Variants in TBC1D22A observed in about 807,000 individuals in gnomAD.
TBC1D22A encodes TBC1 domain family member 22A.
In TBC1D22A, 38 loss-of-function variants were observed where a neutral mutation model predicts 60.2. The ratio of observed to expected loss-of-function variants is 0.63; its 90% CI spans 0.49 to 0.83. The LOEUF (loss-of-function observed/expected upper bound fraction) is 0.83, where lower values mean the gene tolerates loss of function less well. Ranked by LOEUF, TBC1D22A falls within the 40% of genes least tolerant of loss-of-function variation. The pLI is 0.00. For synonymous variants in TBC1D22A, 302 were observed against 281.7 expected (o/e 1.07, Z -0.72); for missense variants, 628 against 701.0 (o/e 0.90, Z 1.18).
chr22:47,101,843 G>A (rs991209073), intron 11 of TBC1D22A, among the ~76,000 whole-genome samples: 8 of 152,272 alleles, frequency 5.3e-5, no homozygotes, highest in South Asian at 2.1e-4. Context: ...CCACTACATC[G>A]TACCCATTGC....
intron 12 of TBC1D22A, 110 bp from the exon 13 acceptor site, chr22:47,173,387 TG>T (rs1329948506): frequency 3.1e-5 from 44 of 1,434,650 alleles, no homozygotes; most frequent in Non-Finnish European, 3.9e-5. Flanking sequence ...CCCTGCACCG[TG>T]GGTCACCTCC....
intron 4 of TBC1D22A, among the ~76,000 whole-genome samples, chr22:46,832,290 T>C (rs1432222916): frequency 6.6e-6 from 1 of 152,244 alleles, no homozygotes; most frequent in East Asian, 1.9e-4. Context: ...AGAAATCTTG[T>C]TATGCCCTTC....
At chr22:47,117,564 G>A (rs1461829296) in intron 12 of TBC1D22A, among the ~76,000 whole-genome samples, 7 of 149,684 alleles carry the variant, frequency 4.7e-5, no homozygotes, top group Non-Finnish European at 7.4e-5. Flanking sequence ...ACCCCACACC[G>A]TGGCATCGAG....
At chr22:46,785,343 A>G (rs2146832631) in intron 1 of TBC1D22A, among the ~76,000 whole-genome samples, 1 of 152,312 alleles carries the variant, frequency 6.6e-6, no homozygotes, top group South Asian at 2.1e-4. Flanking sequence ...TGGCATCTTC[A>G]GAGAATGGGT....
chr22:47,127,313 C>T (rs549050776), intron 12 of TBC1D22A, among the ~76,000 whole-genome samples: 6 of 150,702 alleles, frequency 4.0e-5, no homozygotes, highest in Admixed American at 2.6e-4. Flanking sequence ...CTGCAACCTC[C>T]GCCTCCCGGG....
At chr22:47,089,559 TG>T (rs2064836066) in intron 11 of TBC1D22A, among the ~76,000 whole-genome samples, 1 of 152,224 alleles carries the variant, frequency 6.6e-6, no homozygotes, top group South Asian at 2.1e-4. Context: ...AAGCCTGGCC[TG>T]GGTGAGCTCG....
chr22:46,765,697 C>A (rs1352060517), intron 1 of TBC1D22A, among the ~76,000 whole-genome samples: 2 of 151,872 alleles, frequency 1.3e-5, no homozygotes, highest in Non-Finnish European at 2.9e-5. Flanking sequence ...GAACTCCTGA[C>A]CTCAGGTGAT....
At chr22:46,847,914 AGTGGGT>A (rs373665005) in intron 4 of TBC1D22A, among the ~76,000 whole-genome samples, 14 of 126,570 alleles carry the variant, frequency 1.1e-4, no homozygotes, top group African/African-American at 5.1e-4. Flanking sequence ...AAGGTACCCT[AGTGGGT>A]GTGTGTGTGT....
At chr22:47,029,488 C>T (rs2062386106) in intron 10 of TBC1D22A, among the ~76,000 whole-genome samples, 1 of 143,006 alleles carries the variant, frequency 7.0e-6, no homozygotes, top group South Asian at 2.1e-4. Flanking sequence ...CAGTGCCCAA[C>T]CTCCCTCCTC....
intron 10 of TBC1D22A, among the ~76,000 whole-genome samples, chr22:47,012,287 T>G (rs1395226715): frequency 1.3e-5 from 2 of 152,164 alleles, no homozygotes; most frequent in African/African-American, 2.4e-5. Flanking sequence ...GAACAGAAGA[T>G]TCCATGAGTC....
chr22:46,944,311 T>C lies in TBC1D22A; in HGVS notation c.1016-29979T>C, dbSNP rs192220857. Among the ~76,000 whole-genome samples, 249 of 152,362 alleles carry C rather than the reference T, an allele frequency of 1.6e-3. 1 individual carries two copies. The highest frequency in any genetic ancestry group is 5.8e-3 in the African/African-American group (243 of 41,576). On this transcript the variant is annotated intron_variant, in intron 8 of 12. Coordinates refer to ENST00000337137, the MANE Select transcript of TBC1D22A (RefSeq NM_014346.5). ...TAATGTGTTTATTTTTGTTTTGTTT[T>C]TTCTTCATCGGCAATTACATTTGAT...
chr22:47,003,195 C>T (rs1204997417), intron 10 of TBC1D22A, among the ~76,000 whole-genome samples: 1 of 152,044 alleles, frequency 6.6e-6, no homozygotes, highest in African/African-American at 2.4e-5. Context: ...GTGTTTGGCA[C>T]ACACTGAAAT....
intron 1 of TBC1D22A, among the ~76,000 whole-genome samples, chr22:46,768,567 C>CT (rs941839574): frequency 5.3e-5 from 8 of 151,778 alleles, no homozygotes; most frequent in African/African-American, 9.7e-5. Flanking sequence ...GGGCCGCTGA[C>CT]TCTCTTGGCT....
intron 4 of TBC1D22A, among the ~76,000 whole-genome samples, chr22:46,846,789 G>A (rs1448706898): frequency 6.6e-6 from 1 of 152,086 alleles, no homozygotes. Context: ...TATGCCACCA[G>A]CCTCTCATCT....
At chr22:46,885,724 A>T (rs951272229) in intron 5 of TBC1D22A, among the ~76,000 whole-genome samples, 27 of 152,014 alleles carry the variant, frequency 1.8e-4, no homozygotes, top group African/African-American at 6.3e-4. Context: ...CACTGTGGGC[A>T]GGGCTAGGTA....
intron 8 of TBC1D22A, chr22:46,914,575 A>C (rs1409969887): frequency 6.6e-6 from 1 of 152,208 alleles, no homozygotes; most frequent in Non-Finnish European, 1.5e-5. Flanking sequence ...TGTTGTAAAG[A>C]AGCGTTTAAC....
chr22:46,827,005 A>G (rs1186291605), intron 4 of TBC1D22A, among the ~76,000 whole-genome samples: 1 of 151,024 alleles, frequency 6.6e-6, no homozygotes, highest in African/African-American at 2.4e-5. Flanking sequence ...TTCCTTTGCC[A>G]GGAAGCCATC....
chr22:47,168,800 A>T (rs1232648989), intron 12 of TBC1D22A, among the ~76,000 whole-genome samples: 1 of 151,870 alleles, frequency 6.6e-6, no homozygotes, highest in Non-Finnish European at 1.5e-5. Context: ...CACGGATGGC[A>T]CTAGGATTCG....
At chr22:46,787,929 CTACT>C (rs1302652231) in intron 1 of TBC1D22A, among the ~76,000 whole-genome samples, 3 of 143,926 alleles carry the variant, frequency 2.1e-5, no homozygotes, top group Non-Finnish European at 4.5e-5. Context: ...TTTGGGCAGG[CTACT>C]TTTTTTTTTT....
Sources: allele counts gnomAD v4.1 joint callset (sites outside exome capture counted in the v4.1 genomes callset), GRCh38; gene constraint gnomAD v4.1.1; transcripts MANE v1.5; gene names NCBI Gene and HGNC (gene_info 2026-07-23, HGNC 2026-07-21).